THSD7B: variants seen among roughly 807,000 people sequenced by gnomAD.
THSD7B encodes the protein thrombospondin type 1 domain containing 7B, also known as thrombospondin type-1 domain-containing protein 7B.
In THSD7B, 138 loss-of-function variants were observed where a neutral mutation model predicts 213.6. The ratio of observed to expected loss-of-function variants is 0.65; its 90% CI spans 0.56 to 0.74. The LOEUF (loss-of-function observed/expected upper bound fraction) is 0.74. THSD7B is among the 30% of genes least tolerant of loss of function. The pLI is 0.00. For missense variants in THSD7B, 1,931 were observed against 1,991.5 expected (o/e 0.97, Z 0.58); for synonymous variants, 742 against 687.0 (o/e 1.08, Z -1.25).
In THSD7B at chr2:137,231,115, C is replaced by G; in HGVS notation, c.1795C>G (p.Arg599Gly). ...GAGGAAGTCTTGTGAAATTCCCTGC[C>G]GAATGGACTGTGTGCTGAGCGAGTG... ...PERKSCEIPCRMDCVLSEWTE... is the reference protein window; with the variant it reads ...PERKSCEIPCGMDCVLSEWTE... The change falls in exon 8 of 28, where the codon CGA becomes GGA. Residue 599 changes from arginine to glycine, a missense_variant. Coordinates refer to ENST00000409968, the MANE Select transcript of THSD7B (RefSeq NM_001316349.2). 1 of 1,613,778 alleles carries G rather than the reference C, an allele frequency of 6.2e-7. No homozygotes were observed. Among genetic ancestry groups the G allele is most frequent in the Non-Finnish European group, 8.5e-7 (1 of 1,179,784 alleles).
intron 5 of THSD7B, among the ~76,000 whole-genome samples, chr2:137,117,024 A>G (rs1688457278): frequency 6.6e-6 from 1 of 152,226 alleles, no homozygotes; most frequent in Non-Finnish European, 1.5e-5. Flanking sequence ...CTGGATGTAA[A>G]TACATAGATG....
chr2:137,552,428 T>C (rs971466060), intron 15 of THSD7B, among the ~76,000 whole-genome samples: 1 of 152,278 alleles, frequency 6.6e-6, no homozygotes, highest in Non-Finnish European at 1.5e-5. Context: ...TCAGTGTGAG[T>C]GTGGGCATTA....
At chr2:137,020,007 A>G (rs1686413651) in intron 2 of THSD7B, among the ~76,000 whole-genome samples, 1 of 152,174 alleles carries the variant, frequency 6.6e-6, no homozygotes, top group African/African-American at 2.4e-5. Context: ...GTGAGGATTA[A>G]GTTAGGGATC....
At chr2:137,159,943 C>T (rs1679982615) in intron 5 of THSD7B, among the ~76,000 whole-genome samples, 1 of 152,082 alleles carries the variant, frequency 6.6e-6, no homozygotes, top group African/African-American at 2.4e-5. Context: ...TATGATATTT[C>T]CAGTTCTCTC....
At chr2:137,049,114 A>T (rs1687017275) in intron 2 of THSD7B, among the ~76,000 whole-genome samples, 1 of 152,230 alleles carries the variant, frequency 6.6e-6, no homozygotes, top group Admixed American at 6.5e-5. Context: ...ATGGGATGAA[A>T]ACATTTCATA....
intron 16 of THSD7B, 65 bp downstream of exon 16, chr2:137,563,419 C>T (rs1419730460): frequency 1.9e-6 from 3 of 1,576,704 alleles, no homozygotes; most frequent in African/African-American, 1.3e-5. Flanking sequence ...TTTATAAAAA[C>T]AACAGTGATG....
intron 14 of THSD7B, among the ~76,000 whole-genome samples, chr2:137,419,817 T>C (rs1329731526): frequency 6.6e-6 from 1 of 151,978 alleles, no homozygotes; most frequent in Non-Finnish European, 1.5e-5. Flanking sequence ...GCCTAGGATT[T>C]GTCTGCCTCC....
Position 137,056,927 on chromosome 2 carries a change from A to G in THSD7B, c.647A>G (p.Gln216Arg). ...VIAPPLFGGL[Q>R]CPNLTESRAC... ...GCTCCCCCTCTCTTTGGTGGTTTGC[A>G]ATGTCCAAATCTGACTGAGTCAAGA... The change falls in exon 3 of 28, where the codon CAA becomes CGA. Residue 216 changes from glutamine (Q) to arginine (R), a missense_variant. Coordinates refer to ENST00000409968, the MANE Select transcript of THSD7B (RefSeq NM_001316349.2). The G allele has an allele frequency of 1.2e-6, 2 of 1,613,932 alleles. No individual in the cohort carries two copies. The highest frequency in any genetic ancestry group is 1.7e-6 in the Non-Finnish European group (2 of 1,179,876).
chr2:136,768,599 G>C (rs1454945457), intron 1 of THSD7B, among the ~76,000 whole-genome samples: 2 of 152,150 alleles, frequency 1.3e-5, no homozygotes, highest in Non-Finnish European at 1.5e-5. Context: ...AGAATTCTAA[G>C]TAGTGACAAC....
intron 20 of THSD7B, among the ~76,000 whole-genome samples, chr2:137,636,486 A>G (rs899807287): frequency 1.3e-5 from 2 of 152,262 alleles, no homozygotes; most frequent in African/African-American, 4.8e-5. Context: ...TAACAAGTGC[A>G]TAATTGTAAT....
At chr2:137,668,936 AG>A (rs758489783) in intron 27 of THSD7B, among the ~76,000 whole-genome samples, 4 of 152,148 alleles carry the variant, frequency 2.6e-5, no homozygotes, top group Non-Finnish European at 5.9e-5. Flanking sequence ...TTATTGTCTC[AG>A]GGGTGGCAGA....
intron 1 of THSD7B, among the ~76,000 whole-genome samples, chr2:136,819,951 C>T (rs1682542396): frequency 6.6e-6 from 1 of 152,070 alleles, no homozygotes; most frequent in South Asian, 2.1e-4. Context: ...GGAAAGCTCT[C>T]CCCTTCCCCA....
chr2:136,862,730 C>G (rs1364403472), intron 1 of THSD7B, among the ~76,000 whole-genome samples: 1 of 152,160 alleles, frequency 6.6e-6, no homozygotes, highest in Non-Finnish European at 1.5e-5. Flanking sequence ...TAGAAAAAAG[C>G]ATTTTATTCA....
chr2:137,456,234 G>A (rs373690879), intron 15 of THSD7B, among the ~76,000 whole-genome samples: 14 of 151,994 alleles, frequency 9.2e-5, no homozygotes, highest in Admixed American at 7.9e-4. Flanking sequence ...TTCCTAGCAG[G>A]GTAATGATGT....
At position 137,192,904 on chromosome 2, in the gene THSD7B, C is replaced by T. The variant is rs564947514; in HGVS notation, c.1723+21966C>T. Among the ~76,000 whole-genome samples the T allele has an allele frequency of 1.8e-4, 27 of 152,230 alleles. 1 individual carries two copies. The highest frequency in any genetic ancestry group is 2.4e-4 in the African/African-American group (10 of 41,542). ...TTTTAAATTAAGCTAAATTACTTGA[C>T]GTGGTGTCTCTAAGTCTATTCTTGA... On this transcript the variant is annotated intron_variant, in intron 7 of 27. Transcript: ENST00000409968.
chr2:137,619,750 G>C (rs1411667348), intron 19 of THSD7B, among the ~76,000 whole-genome samples: 1 of 152,226 alleles, frequency 6.6e-6, no homozygotes, highest in Middle Eastern at 3.4e-3. Flanking sequence ...AAAAATACCA[G>C]TTTAAAGCAA....
chr2:137,382,227 A>G (rs747926132), intron 12 of THSD7B, among the ~76,000 whole-genome samples: 2 of 152,100 alleles, frequency 1.3e-5, no homozygotes, highest in East Asian at 3.9e-4. Context: ...GCCCCACTGT[A>G]TGTCATGGTC....
At chr2:136,842,016 A>G (rs1682928277) in intron 1 of THSD7B, among the ~76,000 whole-genome samples, 2 of 152,342 alleles carry the variant, frequency 1.3e-5, no homozygotes, top group South Asian at 4.1e-4. Flanking sequence ...GCAGATGTGT[A>G]TGGAATGTCA....
intron 15 of THSD7B, among the ~76,000 whole-genome samples, chr2:137,534,428 AT>A (rs201696545): frequency 1.3e-5 from 2 of 151,448 alleles, no homozygotes; most frequent in Admixed American, 6.6e-5. Flanking sequence ...GAATATATAT[AT>A]TTTTTTCCAT....
Sources: gnomAD v4.1 joint callset for allele counts (sites outside exome capture counted in the v4.1 genomes callset) on GRCh38, gnomAD v4.1.1 for gene constraint, MANE v1.5 for transcripts, NCBI Gene and HGNC (gene_info 2026-07-23, HGNC 2026-07-21) for gene names.